Variants in FAM161A observed in about 807,000 individuals in gnomAD.
FAM161A encodes the protein FAM161 centrosomal protein A.
A neutral mutation model predicts 70.9 loss-of-function variants in FAM161A; 57 were observed. The observed-to-expected ratio is 0.80, with a 90% CI of 0.65 to 1.00. The LOEUF (loss-of-function observed/expected upper bound fraction) is 1.00, where lower values mean the gene tolerates loss of function less well. Among genes scored for constraint, FAM161A ranks in the 50% least tolerant of loss-of-function variants. The pLI is 0.00. For missense variants in FAM161A, 880 were observed against 836.0 expected (o/e 1.05, Z -0.65); for synonymous variants, 299 against 295.7 (o/e 1.01, Z -0.12).
intron 1 of FAM161A, among the ~76,000 whole-genome samples, chr2:61,844,108 A>G (rs1572887255): frequency 6.6e-6 from 1 of 151,984 alleles, no homozygotes; most frequent in Admixed American, 6.6e-5. Flanking sequence ...AGGCCACTGC[A>G]CTCCAGCCTA....
intron 5 of FAM161A, among the ~76,000 whole-genome samples, chr2:61,832,638 G>A (rs1672624250): frequency 6.6e-6 from 1 of 152,168 alleles, no homozygotes; most frequent in African/African-American, 2.4e-5. Flanking sequence ...GTGAGCAGTG[G>A]GAGGGCGAGC....
the FAM161A span, among the ~76,000 whole-genome samples, chr2:61,804,790 G>GAA: frequency 1.4e-5 from 2 of 138,556 alleles, no homozygotes; most frequent in African/African-American, 2.7e-5. Flanking sequence ...AAGAAAGAAA[G>GAA]AAAGAAAGAA....
chr2:61,850,295 C>T (rs1432370094), intron 1 of FAM161A, among the ~76,000 whole-genome samples: 1 of 152,098 alleles, frequency 6.6e-6, no homozygotes, highest in African/African-American at 2.4e-5. Flanking sequence ...ACTTGGGAGG[C>T]TGAGGCAGGA....
At chr2:61,822,252 G>A (rs942129807), downstream of FAM161A, among the ~76,000 whole-genome samples, 13 of 151,854 alleles carry the variant, frequency 8.6e-5, no homozygotes, top group African/African-American at 1.7e-4. Flanking sequence ...GCAACATAGC[G>A]AGACGCTGTC....
intron 1 of FAM161A, chr2:61,846,917 A>G (rs955104411): frequency 2.2e-6 from 1 of 454,998 alleles, no homozygotes; most frequent in Non-Finnish European, 4.4e-6. Flanking sequence ...ACAGTGGTTC[A>G]TGCCTGTAAT....
At chr2:61,827,043 G>C in intron 6 of FAM161A, 61 bp downstream of exon 6, 1 of 1,499,426 alleles carries the variant, frequency 6.7e-7, no homozygotes, top group East Asian at 2.3e-5. Context: ...ATAAAATTGT[G>C]CTTTTCTGCA....
chr2:61,848,255 T>C (rs984250652), intron 1 of FAM161A, among the ~76,000 whole-genome samples: 1 of 152,210 alleles, frequency 6.6e-6, no homozygotes, highest in African/African-American at 2.4e-5. Context: ...TGATAAATTA[T>C]ACTTATGTAC....
chr2:61,802,117 T>C, the FAM161A span, among the ~76,000 whole-genome samples: 1 of 152,198 alleles, frequency 6.6e-6, no homozygotes, highest in African/African-American at 2.4e-5. Context: ...AAATGAACTG[T>C]TTGTTATAGC....
At chr2:61,812,863 A>T in the FAM161A span, among the ~76,000 whole-genome samples, 1 of 151,728 alleles carries the variant, frequency 6.6e-6, no homozygotes, top group African/African-American at 2.4e-5. Flanking sequence ...AGGTCAGGAG[A>T]TCAAGACCAT....
chr2:61,846,886 A>C (rs771358632), intron 1 of FAM161A: 10 of 453,414 alleles, frequency 2.2e-5, no homozygotes, highest in Non-Finnish European at 4.4e-5. Flanking sequence ...TCACTCGAAA[A>C]ATCAACAGAA....
chr2:61,836,201 G>C, intron 4 of FAM161A, 92 bp from the exon 5 acceptor site: 1 of 931,448 alleles, frequency 1.1e-6, no homozygotes, highest in Non-Finnish European at 1.7e-6. Context: ...CTTGTACAAA[G>C]TCAATGAAAA....
intron 2 of FAM161A, 126 bp downstream of exon 2, chr2:61,841,996 C>T (rs1326178169): frequency 1.4e-6 from 1 of 714,998 alleles, no homozygotes; most frequent in Non-Finnish European, 2.5e-6. Flanking sequence ...TAAAATCCTA[C>T]CTCTGTATAT....
chr2:61,830,509 C>A (rs747948471), intron 5 of FAM161A, among the ~76,000 whole-genome samples: 2 of 151,500 alleles, frequency 1.3e-5, no homozygotes. Context: ...GGTGAAATCC[C>A]GTCTCTACTA....
chr2:61,825,621 T>C lies in FAM161A; in HGVS notation c.*834A>G. On this transcript the variant is annotated 3_prime_UTR_variant, in exon 7 of 7. Coordinates refer to ENST00000404929, the MANE Select transcript of FAM161A (RefSeq NM_001201543.2). ...GCAAAAATAAATGTAAATTTGCAAG[T>C]ATCCATTTTTTTCTATACTTTTTTT... is the stretch of plus-strand genomic sequence containing the variant. The C allele has an allele frequency of 2.3e-6, 1 of 438,618 alleles. No homozygotes were observed. The highest frequency in any genetic ancestry group is 4.5e-6 in the Non-Finnish European group (1 of 222,804). 27.2% of individuals were successfully genotyped at this position (438,618 alleles called of 1,614,324 possible).
At chr2:61,823,554 CA>C (rs1404989170), downstream of FAM161A, among the ~76,000 whole-genome samples, 1 of 151,624 alleles carries the variant, frequency 6.6e-6, no homozygotes, top group Non-Finnish European at 1.5e-5. Context: ...TTTGTAGAGA[CA>C]GGGTTTCACC....
At chr2:61,827,466 C>T (rs1279503055) in intron 5 of FAM161A, among the ~76,000 whole-genome samples, 3 of 151,810 alleles carry the variant, frequency 2.0e-5, no homozygotes, top group African/African-American at 7.3e-5. Context: ...AAAAATTAGC[C>T]GGGCGTGGTG....
In FAM161A at chr2:61,853,942, C is replaced by A; in HGVS notation, c.100G>T (p.Asp34Tyr). Residue 34 changes from aspartate to tyrosine, a missense_variant, in exon 1 of 7, where the codon GAC becomes TAC. Physicochemically the swap from Asp to Tyr is radical, Grantham distance 160. Transcript: ENST00000404929. The stretch of plus-strand genomic sequence containing the variant: ...GCTGCCGCCAGGGCCTTTAAGGGGT[C>A]TTCGCGTTCGTACTGGGCGACCCGC... The part of the protein sequence containing the change: ...GARVAQYERE[D>Y]PLKALAAAEA... The A allele has an allele frequency of 1.2e-6, 2 of 1,613,938 alleles. No homozygotes were observed. The highest frequency in any genetic ancestry group is 1.7e-6 in the Non-Finnish European group (2 of 1,179,844).
chr2:61,809,629 G>C, the FAM161A span, among the ~76,000 whole-genome samples: 1 of 152,176 alleles, frequency 6.6e-6, no homozygotes, highest in Non-Finnish European at 1.5e-5. Context: ...TGGGTAGGTT[G>C]TTTGCAAAGA....
chr2:61,853,923 G>C lies in FAM161A; in HGVS notation c.119C>G (p.Ala40Gly), dbSNP rs772690254. ...YEREDPLKAL[A>G]AAEAILEDEE... ...GTCCTCCAAGATCGCCTCCGCTGCC[G>C]CCAGGGCCTTTAAGGGGTCTTCGCG... is the stretch of plus-strand genomic sequence containing the variant. The change falls in exon 1 of 7, where the codon GCG becomes GGG. Residue 40 changes from alanine to glycine, a missense_variant. Transcript: ENST00000404929. The C allele has an allele frequency of 5.6e-6, 9 of 1,613,854 alleles. No individual in the cohort carries two copies. Among genetic ancestry groups the C allele is most frequent in the Middle Eastern group, 1.6e-4 (1 of 6,084 alleles).
Sources: gnomAD v4.1 joint callset for allele counts (sites outside exome capture counted in the v4.1 genomes callset) on GRCh38, gnomAD v4.1.1 for gene constraint, MANE v1.5 for transcripts, NCBI Gene and HGNC (gene_info 2026-07-23, HGNC 2026-07-21) for gene names.